The following TMEM178B variants were observed in gnomAD, a reference collection of about 807,000 sequenced individuals.
TMEM178B encodes the protein transmembrane protein 178B.
Under a neutral mutation model 31.0 loss-of-function variants are expected in TMEM178B, and 5 were observed. The observed-to-expected ratio is 0.16, with a 90% CI of 0.08 to 0.34. The LOEUF is 0.34. Ranked by LOEUF, TMEM178B falls within the 10% of genes least tolerant of loss-of-function variation. TMEM178B has a pLI of 1.00. For missense variants in TMEM178B, 275 were observed against 400.3 expected (o/e 0.69, Z 2.67); for synonymous variants, 164 against 164.0 (o/e 1.00, Z 0.00).
chr7:141,148,250 A>C (rs1219063202), intron 1 of TMEM178B, among the ~76,000 whole-genome samples: 1 of 152,134 alleles, frequency 6.6e-6, no homozygotes, highest in Non-Finnish European at 1.5e-5. Context: ...GACCTTTGAG[A>C]TTACATTGGG....
At chr7:141,281,512 G>A (rs999070730) in intron 2 of TMEM178B, among the ~76,000 whole-genome samples, 2 of 152,184 alleles carry the variant, frequency 1.3e-5, no homozygotes, top group African/African-American at 4.8e-5. Context: ...AGGACTGCAG[G>A]GCGTGATACT....
intron 1 of TMEM178B, among the ~76,000 whole-genome samples, chr7:141,142,464 G>A (rs1795788484): frequency 6.6e-6 from 1 of 150,408 alleles, no homozygotes; most frequent in South Asian, 2.1e-4. Flanking sequence ...CTGGAGTGCA[G>A]TGGTGCATTC....
chr7:141,423,158 G>A (rs1263289294), intron 2 of TMEM178B, among the ~76,000 whole-genome samples: 1 of 152,100 alleles, frequency 6.6e-6, no homozygotes, highest in African/African-American at 2.4e-5. Context: ...TCTTGCCTCA[G>A]CCTCCCAAGC....
intron 3 of TMEM178B, among the ~76,000 whole-genome samples, chr7:141,459,498 C>G (rs931991544): frequency 1.3e-5 from 2 of 152,100 alleles, no homozygotes; most frequent in Non-Finnish European, 2.9e-5. Context: ...ATAGGAGGTG[C>G]AATTAATTGG....
At chr7:141,498,614 G>A in the TMEM178B span, among the ~76,000 whole-genome samples, 1 of 152,180 alleles carries the variant, frequency 6.6e-6, no homozygotes, top group African/African-American at 2.4e-5. Flanking sequence ...TCACCAGGTG[G>A]CTGTGTTTGA....
intron 3 of TMEM178B, among the ~76,000 whole-genome samples, chr7:141,454,972 T>C (rs1801937276): frequency 6.6e-6 from 1 of 151,564 alleles, no homozygotes; most frequent in South Asian, 2.1e-4. Flanking sequence ...GGCAGAGGGC[T>C]TGGGGGAGGG....
chr7:141,467,189 G>T (rs956029075), intron 3 of TMEM178B, among the ~76,000 whole-genome samples: 1 of 152,084 alleles, frequency 6.6e-6, no homozygotes, highest in Admixed American at 6.5e-5. Flanking sequence ...CTCTGATTCA[G>T]GGAGTCTAGG....
intron 1 of TMEM178B, among the ~76,000 whole-genome samples, chr7:141,143,742 A>T (rs1795810386): frequency 6.6e-6 from 1 of 152,096 alleles, no homozygotes; most frequent in Admixed American, 6.6e-5. Flanking sequence ...GTTTTTTTCT[A>T]GTCTGCGAAA....
intron 1 of TMEM178B, among the ~76,000 whole-genome samples, chr7:141,094,275 G>A (rs969813632): frequency 9.9e-5 from 15 of 152,248 alleles, no homozygotes; most frequent in African/African-American, 3.6e-4. Context: ...CTTGAAGCAA[G>A]GCATCAATTA....
chr7:141,265,434 G>A (rs1234589136), intron 2 of TMEM178B, among the ~76,000 whole-genome samples: 2 of 152,226 alleles, frequency 1.3e-5, no homozygotes, highest in Non-Finnish European at 2.9e-5. Flanking sequence ...ACACCAGGAA[G>A]GAGATGGTTT....
intron 3 of TMEM178B, among the ~76,000 whole-genome samples, chr7:141,439,598 G>C (rs1700566163): frequency 1.3e-5 from 2 of 152,172 alleles, no homozygotes; most frequent in African/African-American, 4.8e-5. Flanking sequence ...AAAGATAAAA[G>C]TGGAGCAGCT....
chr7:141,199,266 C>T (rs1264571372), intron 1 of TMEM178B, among the ~76,000 whole-genome samples: 1 of 152,176 alleles, frequency 6.6e-6, no homozygotes, highest in Non-Finnish European at 1.5e-5. Context: ...GATGAGGTGA[C>T]CTTTACAACA....
intron 2 of TMEM178B, among the ~76,000 whole-genome samples, chr7:141,288,789 G>C (rs1411936244): frequency 6.6e-6 from 1 of 152,166 alleles, no homozygotes; most frequent in Non-Finnish European, 1.5e-5. Flanking sequence ...ACTGTGTGCT[G>C]GTTGACTGCA....
intron 1 of TMEM178B, among the ~76,000 whole-genome samples, chr7:141,185,419 G>A (rs759171240): frequency 5.3e-5 from 8 of 152,174 alleles, no homozygotes; most frequent in East Asian, 1.9e-4. Context: ...GAGTCAGGCC[G>A]CTCAGCGGCC....
chr7:141,491,116 C>T, the TMEM178B span, among the ~76,000 whole-genome samples: 132 of 152,246 alleles, frequency 8.7e-4, 1 homozygote, highest in African/African-American at 3.0e-3. Flanking sequence ...CGGCCTTGAC[C>T]TCCCCAACTC....
In TMEM178B at chr7:141,373,428, T is replaced by C. The variant is rs906509062; in HGVS notation, c.497-64180T>C. ...GGTTGGGTTTCCCTGGGAAATACAC[T>C]ACGAGACTGAGATTTGAATGCAGGG... On this transcript the variant is annotated intron_variant, in intron 2 of 3. Transcript: ENST00000565468. Among the ~76,000 whole-genome samples, 44 of 152,178 alleles carry C rather than the reference T, an allele frequency of 2.9e-4. 1 individual carries two copies. Among genetic ancestry groups the C allele is most frequent in the African/African-American group, 1.0e-3 (43 of 41,442 alleles).
intron 1 of TMEM178B, among the ~76,000 whole-genome samples, chr7:141,170,914 C>T (rs1239806819): frequency 2.0e-5 from 3 of 152,156 alleles, no homozygotes. Flanking sequence ...CGGCATTCCT[C>T]TGTCAATCAA....
chr7:141,358,375 C>G (rs1258498358), intron 2 of TMEM178B, among the ~76,000 whole-genome samples: 1 of 152,130 alleles, frequency 6.6e-6, no homozygotes, highest in Non-Finnish European at 1.5e-5. Flanking sequence ...TGTTCCTCTC[C>G]CCACACAGTT....
At position 141,370,773 on chromosome 7, in the gene TMEM178B, C is replaced by T. The variant is rs190175210; in HGVS notation, c.497-66835C>T. The stretch of plus-strand genomic sequence containing the variant: ...CTCCTAAGGATTAGAAGAAACACAG[C>T]GTTCCTCTTTGCACATGGCAAATGC... On this transcript the variant is annotated intron_variant, in intron 2 of 3. Coordinates refer to ENST00000565468, the MANE Select transcript of TMEM178B (RefSeq NM_001195278.2). Among the ~76,000 whole-genome samples, 144 of 152,322 alleles carry T rather than the reference C, an allele frequency of 9.5e-4. 1 individual carries two copies. Among genetic ancestry groups the T allele is most frequent in the Middle Eastern group, 3.4e-3 (1 of 294 alleles).
Sources: gnomAD v4.1 joint callset for allele counts (sites outside exome capture counted in the v4.1 genomes callset) on GRCh38, gnomAD v4.1.1 for gene constraint, MANE v1.5 for transcripts, NCBI Gene and HGNC (gene_info 2026-07-23, HGNC 2026-07-21) for gene names.